The following ACYP2 variants were observed in gnomAD, a reference collection of about 807,000 sequenced individuals.
ACYP2 encodes acylphosphatase 2.
In ACYP2, 12 loss-of-function variants were observed where a neutral mutation model predicts 11.2. That is an observed-to-expected ratio of 1.08 (90% CI 0.69 to 1.74). ACYP2 has a LOEUF of 1.74. Ranked by LOEUF, ACYP2 falls within the 40% of genes most tolerant of loss-of-function variation. The probability of loss-of-function intolerance (pLI) is 0.00; values close to 1 mark genes in which losing one functional copy is unlikely to be tolerated. For missense variants in ACYP2, 134 were observed against 101.9 expected (o/e 1.31, Z -1.35); for synonymous variants, 43 against 32.2 (o/e 1.33, Z -1.13).
chr2:54,083,697 T>C (rs1184749840), intron 4 of ACYP2, among the ~76,000 whole-genome samples: 1 of 151,892 alleles, frequency 6.6e-6, no homozygotes, highest in Non-Finnish European at 1.5e-5. Flanking sequence ...TAATTACTGT[T>C]CCCCCATCCC....
chr2:54,161,280 C>G (rs1161091600), intron 6 of ACYP2, among the ~76,000 whole-genome samples: 1 of 152,226 alleles, frequency 6.6e-6, no homozygotes, highest in Non-Finnish European at 1.5e-5. Flanking sequence ...ACACCTCCTA[C>G]TCCACACAGC....
chr2:54,265,299 G>A (rs1376429094), intron 6 of ACYP2, among the ~76,000 whole-genome samples: 2 of 152,148 alleles, frequency 1.3e-5, no homozygotes, highest in Non-Finnish European at 2.9e-5. Flanking sequence ...AGCAGGCAAA[G>A]AGAGACAGCT....
At chr2:54,278,230 G>A (rs557641102) in intron 6 of ACYP2, among the ~76,000 whole-genome samples, 4 of 152,258 alleles carry the variant, frequency 2.6e-5, no homozygotes, top group South Asian at 2.1e-4. Flanking sequence ...CGCCCGCCTC[G>A]GACTCCCAAA....
At chr2:54,279,168 T>C (rs1201136730) in intron 6 of ACYP2, among the ~76,000 whole-genome samples, 1 of 152,260 alleles carries the variant, frequency 6.6e-6, no homozygotes, top group Non-Finnish European at 1.5e-5. Context: ...GAATGGCAGA[T>C]CTGAAAGTCA....
chr2:54,160,127 A>G (rs79997034), intron 6 of ACYP2, among the ~76,000 whole-genome samples: 1,849 of 152,236 alleles, frequency 0.012, 41 homozygotes, highest in African/African-American at 0.043. Flanking sequence ...TTATTCTCAA[A>G]TATATAGGGG....
chr2:54,140,248 A>T (rs147376321), intron 6 of ACYP2, among the ~76,000 whole-genome samples: 2 of 152,316 alleles, frequency 1.3e-5, no homozygotes, highest in Non-Finnish European at 2.9e-5. Context: ...TTTAAAGTAG[A>T]GATTATGTCC....
chr2:53,990,877 A>C (rs1359116494), intron 2 of ACYP2, among the ~76,000 whole-genome samples: 1 of 150,894 alleles, frequency 6.6e-6, no homozygotes, highest in Admixed American at 6.6e-5. Flanking sequence ...GCTCACTGCC[A>C]GCTCCGCTTC....
At chr2:54,239,624 A>G (rs1198871805) in intron 6 of ACYP2, among the ~76,000 whole-genome samples, 1 of 152,216 alleles carries the variant, frequency 6.6e-6, no homozygotes, top group Non-Finnish European at 1.5e-5. Flanking sequence ...CTTGTTAGAA[A>G]CACTGAGCTT....
In ACYP2 at chr2:54,007,892, GA is replaced by G. The variant is rs1009246070; in HGVS notation, c.62+34092del. Among the ~76,000 whole-genome samples the G allele has an allele frequency of 2.7e-4, 41 of 150,058 alleles. 1 individual carries two copies. The highest frequency in any genetic ancestry group is 2.7e-3 in the East Asian group (14 of 5,136). ...AAAAAACAAACAAAAACAAACAAATGAAAAAAAAAAGGTGGTTTAGTTTTGG... is the reference window on the plus strand; with the variant it reads ...AAAAAACAAACAAAAACAAACAAATGAAAAAAAAAGGTGGTTTAGTTTTGG... On this transcript the variant is annotated intron_variant, in intron 2 of 6. Coordinates refer to ENST00000607452, the MANE Select transcript of ACYP2 (RefSeq NM_001320586.2).
At chr2:54,015,523 G>T (rs1323050707) in intron 2 of ACYP2, among the ~76,000 whole-genome samples, 1 of 151,864 alleles carries the variant, frequency 6.6e-6, no homozygotes, top group Non-Finnish European at 1.5e-5. Context: ...GGTGGTGTGT[G>T]CCTGTAGTCC....
intron 3 of ACYP2, among the ~76,000 whole-genome samples, chr2:54,056,179 GA>G (rs1394897125): frequency 6.6e-6 from 1 of 152,194 alleles, no homozygotes; most frequent in East Asian, 1.9e-4. Flanking sequence ...TTCATGAGTG[GA>G]ACCAGGCACT....
At chr2:54,162,942 C>T (rs1005486633) in intron 6 of ACYP2, among the ~76,000 whole-genome samples, 9 of 152,142 alleles carry the variant, frequency 5.9e-5, no homozygotes, top group African/African-American at 2.2e-4. Flanking sequence ...GAATCGTGAT[C>T]ACCGCACCCC....
At chr2:54,191,127 T>C (rs987541045) in intron 6 of ACYP2, among the ~76,000 whole-genome samples, 4 of 152,096 alleles carry the variant, frequency 2.6e-5, no homozygotes, top group African/African-American at 9.7e-5. Flanking sequence ...GCTGTAAGAC[T>C]CAGCTCCCTG....
intron 6 of ACYP2, among the ~76,000 whole-genome samples, chr2:54,191,875 A>C (rs1684255541): frequency 6.6e-6 from 1 of 152,208 alleles, no homozygotes. Context: ...GATAATAAAC[A>C]TATGTAGACA....
intron 2 of ACYP2, among the ~76,000 whole-genome samples, chr2:53,990,567 T>C (rs373365369): frequency 3.6e-4 from 53 of 146,378 alleles, no homozygotes; most frequent in African/African-American, 1.3e-3. Flanking sequence ...GAGAATCTGT[T>C]GAACCCGGGA....
In ACYP2 at chr2:54,276,935, A is replaced by G. The variant is rs149526094; in HGVS notation, c.405-27753A>G. Among the ~76,000 whole-genome samples the G allele has an allele frequency of 8.5e-3, 1,293 of 152,284 alleles. 9 individuals carry two copies. Among genetic ancestry groups the G allele is most frequent in the Non-Finnish European group, 0.013 (856 of 68,010 alleles). Reference sequence around the variant, plus strand: ...TTGCTTTTTAAAAAAGCATAATACCATATTACAATCATCTTTATATATTAG... The same window carrying G: ...TTGCTTTTTAAAAAAGCATAATACCGTATTACAATCATCTTTATATATTAG... On this transcript the variant is annotated intron_variant, in intron 6 of 6. Transcript: ENST00000607452.
intron 2 of ACYP2, among the ~76,000 whole-genome samples, chr2:54,025,367 T>G (rs1674227685): frequency 1.3e-5 from 2 of 152,170 alleles, no homozygotes; most frequent in African/African-American, 4.8e-5. Context: ...AGCATGGTAT[T>G]GGCATAAAAA....
At chr2:54,105,503 G>A (rs984458273) in intron 4 of ACYP2, among the ~76,000 whole-genome samples, 8 of 151,772 alleles carry the variant, frequency 5.3e-5, no homozygotes, top group Non-Finnish European at 8.8e-5. Flanking sequence ...TTTTGAGGCA[G>A]GGTCTCGTTT....
At chr2:54,150,633 G>T (rs1470319765) in intron 6 of ACYP2, among the ~76,000 whole-genome samples, 1 of 152,052 alleles carries the variant, frequency 6.6e-6, no homozygotes, top group African/African-American at 2.4e-5. Flanking sequence ...TGTTGTCCAC[G>T]CTGGTCTCCA....
Sources: allele counts gnomAD v4.1 joint callset (sites outside exome capture counted in the v4.1 genomes callset), GRCh38; gene constraint gnomAD v4.1.1; transcripts MANE v1.5; gene names NCBI Gene and HGNC (gene_info 2026-07-23, HGNC 2026-07-21).